Variants in GALNTL6 observed in about 807,000 individuals in gnomAD.
The protein encoded by GALNTL6 is polypeptide N-acetylgalactosaminyltransferase like 6, also known as polypeptide N-acetylgalactosaminyltransferase-like 6.
In GALNTL6, 46 loss-of-function variants were observed where a neutral mutation model predicts 73.7. The ratio of observed to expected loss-of-function variants is 0.62; its 90% confidence interval spans 0.49 to 0.80. The LOEUF is 0.80. GALNTL6 is among the 30% of genes least tolerant of loss of function. The pLI, the probability that GALNTL6 is intolerant of heterozygous loss-of-function variation, is 0.00. For synonymous variants in GALNTL6, 259 were observed against 263.7 expected (o/e 0.98, Z 0.17); for missense variants, 604 against 755.0 (o/e 0.80, Z 2.34).
At chr4:172,025,089 C>G (rs1301226303) in intron 2 of GALNTL6, among the ~76,000 whole-genome samples, 3 of 151,978 alleles carry the variant, frequency 2.0e-5, no homozygotes, top group Admixed American at 2.0e-4. Context: ...ACATCAGACA[C>G]TAATAGACTC....
intron 10 of GALNTL6, among the ~76,000 whole-genome samples, chr4:172,965,443 C>T (rs978307843): frequency 1.1e-4 from 17 of 151,954 alleles, no homozygotes; most frequent in African/African-American, 2.7e-4. Flanking sequence ...ATTAGCTGGG[C>T]GTGGTGGCAG....
intron 2 of GALNTL6, among the ~76,000 whole-genome samples, chr4:172,119,975 T>C: frequency 6.6e-6 from 1 of 152,170 alleles, no homozygotes; most frequent in Non-Finnish European, 1.5e-5. Flanking sequence ...CTTCCCTACC[T>C]GCTCAACACA....
At chr4:172,171,845 C>T (rs2110823374) in intron 2 of GALNTL6, among the ~76,000 whole-genome samples, 1 of 152,166 alleles carries the variant, frequency 6.6e-6, no homozygotes, top group African/African-American at 2.4e-5. Context: ...AGATGTAGGA[C>T]AGGAAACAAA....
intron 11 of GALNTL6, among the ~76,000 whole-genome samples, chr4:173,011,552 A>G (rs538006606): frequency 6.6e-6 from 1 of 152,086 alleles, no homozygotes; most frequent in East Asian, 1.9e-4. Flanking sequence ...AGATGGGGTC[A>G]ATCTACTCTC....
At chr4:172,877,739 AT>A (rs1288672604) in intron 7 of GALNTL6, among the ~76,000 whole-genome samples, 4 of 151,884 alleles carry the variant, frequency 2.6e-5, no homozygotes, top group South Asian at 2.1e-4. Flanking sequence ...AGAAAAAAAA[AT>A]CTTCAGTAAG....
chr4:172,658,480 A>C (rs77072507), intron 5 of GALNTL6, among the ~76,000 whole-genome samples: 1 of 151,734 alleles, frequency 6.6e-6, no homozygotes, highest in African/African-American at 2.4e-5. Context: ...AAAAAAAAAA[A>C]AGAAAGAAAA....
chr4:172,484,287 G>T (rs1041637056), intron 5 of GALNTL6, among the ~76,000 whole-genome samples: 1 of 152,164 alleles, frequency 6.6e-6, no homozygotes, highest in African/African-American at 2.4e-5. Flanking sequence ...AATGTGACTA[G>T]ATTTTAGGAA....
In GALNTL6 at chr4:172,348,641, G is replaced by A; in HGVS notation, c.505G>A (p.Gly169Arg). The change falls in exon 5 of 13, where the codon GGG (glycine) becomes AGG (arginine). Residue 169 changes from glycine (G) to arginine (R), a missense_variant. By Grantham distance (125) the Gly-to-Arg change is moderately radical (BLOSUM62 -2). This residue lies in a region of GALNTL6 where 179 missense variants were observed against 230.8 expected (regional missense o/e 0.78). Coordinates refer to ENST00000506823, the MANE Select transcript of GALNTL6 (RefSeq NM_001034845.3). ...ACACAGTATAATTAACCGAACCCCA[G>A]GGAGTCTGATAGCAGAAATCATTCT... ...TIHSIINRTP[G>R]SLIAEIILVD... 6.2e-7 allele frequency: 1 copy of A among 1,611,832 alleles called. No homozygotes were observed.
intron 2 of GALNTL6, among the ~76,000 whole-genome samples, chr4:171,989,063 A>G (rs1272624699): frequency 6.6e-6 from 1 of 152,124 alleles, no homozygotes; most frequent in Non-Finnish European, 1.5e-5. Context: ...AGTATTGTCT[A>G]AGTTGGCACC....
chr4:171,824,077 T>TTTTATATATATATATATA (rs1301842709), intron 2 of GALNTL6, among the ~76,000 whole-genome samples: 90 of 129,164 alleles, frequency 7.0e-4, no homozygotes, highest in African/African-American at 9.6e-4. Context: ...CAAATCCATT[T>TTTTATATATATATATATA]TATATATATA....
At chr4:172,620,474 G>A (rs1459677976) in intron 5 of GALNTL6, among the ~76,000 whole-genome samples, 2 of 151,920 alleles carry the variant, frequency 1.3e-5, no homozygotes, top group Non-Finnish European at 2.9e-5. Flanking sequence ...TATTGCTATA[G>A]TGCTTTATTT....
chr4:172,977,365 C>T (rs982000402), intron 10 of GALNTL6, among the ~76,000 whole-genome samples: 1 of 152,176 alleles, frequency 6.6e-6, no homozygotes, highest in Non-Finnish European at 1.5e-5. Flanking sequence ...TCACCTTTTT[C>T]TGTCTTTCCA....
At chr4:172,929,807 A>G (rs1330118822) in intron 8 of GALNTL6, among the ~76,000 whole-genome samples, 1 of 152,188 alleles carries the variant, frequency 6.6e-6, no homozygotes, top group African/African-American at 2.4e-5. Context: ...ATAATCATTT[A>G]TCTTACAATA....
chr4:172,414,678 C>A (rs1169418090), intron 5 of GALNTL6, among the ~76,000 whole-genome samples: 1 of 152,108 alleles, frequency 6.6e-6, no homozygotes, highest in Non-Finnish European at 1.5e-5. Flanking sequence ...AAAGTCCTTT[C>A]CTAGAAGTTC....
intron 5 of GALNTL6, among the ~76,000 whole-genome samples, chr4:172,392,051 C>T (rs761583656): frequency 1.2e-4 from 19 of 152,168 alleles, no homozygotes; most frequent in Non-Finnish European, 2.4e-4. Flanking sequence ...TGCAGTGGCA[C>T]GATCTCGGCT....
intron 2 of GALNTL6, among the ~76,000 whole-genome samples, chr4:171,939,087 A>G (rs544951603): frequency 0.038 from 144 of 3,820 alleles, no homozygotes; most frequent in African/African-American, 0.064. Context: ...ACAGATATTT[A>G]AAATGGAAAA....
At chr4:172,917,035 G>T (rs894064789) in intron 8 of GALNTL6, among the ~76,000 whole-genome samples, 1 of 152,158 alleles carries the variant, frequency 6.6e-6, no homozygotes, top group Non-Finnish European at 1.5e-5. Context: ...GCATGGTACT[G>T]TTACCAAAAC....
chr4:172,462,852 A>C (rs924090560), intron 5 of GALNTL6, among the ~76,000 whole-genome samples: 4 of 152,184 alleles, frequency 2.6e-5, no homozygotes, highest in Non-Finnish European at 5.9e-5. Context: ...GTAGGATTTC[A>C]GAAGACAGAA....
At chr4:172,375,141 T>G (rs1172554817) in intron 5 of GALNTL6, among the ~76,000 whole-genome samples, 1 of 152,192 alleles carries the variant, frequency 6.6e-6, no homozygotes, top group Non-Finnish European at 1.5e-5. Context: ...GATATGGGGA[T>G]AAGCTGAGAG....
Sources: allele counts gnomAD v4.1 joint callset (sites outside exome capture counted in the v4.1 genomes callset), GRCh38; gene constraint gnomAD v4.1.1; regional missense constraint gnomAD v4.1.1; transcripts MANE v1.5; gene names NCBI Gene and HGNC (gene_info 2026-07-23, HGNC 2026-07-21).